The following CUX1 variants were observed in gnomAD, a reference collection of about 807,000 sequenced individuals.
CUX1 encodes protein CASP.
CUX1 carries 31 observed loss-of-function variants against 158.8 expected under a neutral mutation model. The observed-to-expected ratio is 0.20, with a 90% confidence interval of 0.15 to 0.26. The LOEUF is 0.26. CUX1 is among the 10% of genes least tolerant of loss of function. The pLI is 1.00. For synonymous variants in CUX1, 879 were observed against 862.1 expected (o/e 1.02, Z -0.34); for missense variants, 1,589 against 2,014.6 (o/e 0.79, Z 4.04).
chr7:102,199,301 C>T (rs1301921427), intron 16 of CUX1, among the ~76,000 whole-genome samples: 1 of 152,290 alleles, frequency 6.6e-6, no homozygotes, highest in African/African-American at 2.4e-5. Flanking sequence ...CACATCGTCC[C>T]GGTGGCATAC....
At position 102,168,925 on chromosome 7, in the gene CUX1, TTTCTTTTATTTTC is replaced by T. The variant is rs1554509635; in HGVS notation, c.724-1518_724-1506del. Among the ~76,000 whole-genome samples the T allele has an allele frequency of 5.1e-3, 218 of 42,494 alleles. 14 individuals carry two copies. Among genetic ancestry groups the T allele is most frequent in the African/African-American group, 0.035 (210 of 5,968 alleles). 27.9% of individuals were successfully genotyped at this position (42,494 alleles called of 152,430 possible). A position where few individuals can be genotyped will look rare whatever the true frequency, so the allele number is the denominator to read the frequency against. On this transcript the variant is annotated intron_variant, in intron 9 of 23. Transcript: ENST00000292535. ...TTTCTTTTCTTTTATTTTCTTTTCT[TTTCTTTTATTTTC>T]TTTTTTTTTTTGAGATGTGGTTTTG...
chr7:101,858,661 CTTTTTTTT>C (rs760652607), intron 1 of CUX1, among the ~76,000 whole-genome samples: 2 of 103,320 alleles, frequency 1.9e-5, no homozygotes, highest in African/African-American at 8.1e-5. Flanking sequence ...ATGCGAATGC[CTTTTTTTT>C]TTTTTTTTTT....
rs782184661 is a variant in CUX1, at chr7:102,201,346, G to A, written c.2063-14G>A. 4 of 1,608,962 alleles carry A rather than the reference G, an allele frequency of 2.5e-6. No homozygotes were observed. The highest frequency in any genetic ancestry group is 4.5e-5 in the East Asian group (2 of 44,788). ...GCCGCCCTGCCACACTCTCACCCCT[G>A]TTTCTCCATGCAGCAGAGCCGGCCC... On this transcript the variant is annotated splice_polypyrimidine_tract_variant and intron_variant, in intron 17 of 23. Coordinates refer to ENST00000292535, the MANE Select transcript of CUX1 (RefSeq NM_181552.4). This position sits in a 1 kb window ranked among gnomAD's most constrained non-coding sequence, Gnocchi z 5.0.
chr7:102,113,252 T>G (rs1554490804), intron 7 of CUX1, among the ~76,000 whole-genome samples: 1 of 152,164 alleles, frequency 6.6e-6, no homozygotes, highest in Non-Finnish European at 1.5e-5. Context: ...TATTTATTTA[T>G]TTTTGAGACG....
chr7:102,127,163 G>A (rs2131265412), intron 8 of CUX1, among the ~76,000 whole-genome samples: 1 of 152,154 alleles, frequency 6.6e-6, no homozygotes, highest in South Asian at 2.1e-4. Flanking sequence ...CACAGATGTG[G>A]CCAAGGGACT....
chr7:101,966,669 A>G (rs1401615384), intron 2 of CUX1, among the ~76,000 whole-genome samples: 1 of 152,148 alleles, frequency 6.6e-6, no homozygotes, highest in African/African-American at 2.4e-5. Context: ...TAGAAAGAGC[A>G]TGGCAGGGGG....
chr7:101,903,067 G>A (rs780708981), intron 1 of CUX1, among the ~76,000 whole-genome samples: 11 of 152,308 alleles, frequency 7.2e-5, no homozygotes, highest in South Asian at 2.1e-4. Flanking sequence ...ACATTCATGC[G>A]AAGCCTCGGT....
chr7:102,276,110 C>T (rs1213739689), intron 17 of CUX1, among the ~76,000 whole-genome samples: 2 of 152,108 alleles, frequency 1.3e-5, no homozygotes, highest in Non-Finnish European at 2.9e-5. Flanking sequence ...ATTTACATTG[C>T]TTCCACCTTT....
chr7:101,882,829 G>A (rs938452632), intron 1 of CUX1, among the ~76,000 whole-genome samples: 1 of 152,186 alleles, frequency 6.6e-6, no homozygotes, highest in Non-Finnish European at 1.5e-5. Flanking sequence ...GGTCACTGGA[G>A]GCCTGGACTT....
At chr7:102,160,798 A>G (rs1025127975) in intron 9 of CUX1, among the ~76,000 whole-genome samples, 1 of 152,296 alleles carries the variant, frequency 6.6e-6, no homozygotes, top group Admixed American at 6.5e-5. Context: ...GGAGGGAAAT[A>G]CGAAGTTGTT....
At position 101,846,979 on chromosome 7, in the gene CUX1, A is replaced by T. The variant is rs192325148; in HGVS notation, c.30+29310A>T. ...AGACCCTGTCTCTACAAAAAAATTT[A>T]AAAAATTAAAAAAAATTAGCTGACA... On this transcript the variant is annotated intron_variant, in intron 1 of 23. Coordinates refer to ENST00000292535, the MANE Select transcript of CUX1 (RefSeq NM_181552.4). 4.3e-3 allele frequency among the ~76,000 whole-genome samples: 653 copies of T among 152,172 alleles called. 7 individuals are homozygous for T. The highest frequency in any genetic ancestry group is 0.015 in the African/African-American group (621 of 41,490).
At chr7:101,844,772 T>A (rs1445055342) in intron 1 of CUX1, among the ~76,000 whole-genome samples, 1 of 151,994 alleles carries the variant, frequency 6.6e-6, no homozygotes, top group African/African-American at 2.4e-5. Context: ...CCTGCCCCCA[T>A]GCCCGGCTAA....
chr7:102,060,757 T>G (rs1824750101), intron 3 of CUX1, among the ~76,000 whole-genome samples: 1 of 151,270 alleles, frequency 6.6e-6, no homozygotes, highest in Non-Finnish European at 1.5e-5. Context: ...GGATTACAGG[T>G]GCCTGCCACC....
chr7:102,249,251 CACTCTGCGGCCCGGGCCG>C lies in CUX1; in HGVS notation c.*212_*229del. ...CAGATCCAAGGCCGCGGCCCAGACC[CACTCTGCGGCCCGGGCCG>C]ACCCTGCGGCCTCCACCAACCCCGC... On this transcript the variant is annotated 3_prime_UTR_variant, in exon 24 of 24. Coordinates refer to ENST00000292535, the MANE Select transcript of CUX1 (RefSeq NM_181552.4). The C allele has an allele frequency of 9.3e-7, 1 of 1,077,340 alleles. No homozygotes were observed. Among genetic ancestry groups the C allele is most frequent in the Non-Finnish European group, 1.1e-6 (1 of 888,186 alleles). 66.7% of individuals were successfully genotyped at this position (1,077,340 alleles called of 1,614,324 possible). A position where few individuals can be genotyped will look rare whatever the true frequency, so the allele number is the denominator to read the frequency against.
chr7:102,236,985 G>A (rs1055755607), intron 22 of CUX1, among the ~76,000 whole-genome samples: 1 of 152,122 alleles, frequency 6.6e-6, no homozygotes, highest in African/African-American at 2.4e-5. Context: ...TGGGGGTGCC[G>A]GCCACAAAGG....
chr7:101,892,508 C>T (rs898738850), intron 1 of CUX1, among the ~76,000 whole-genome samples: 4 of 152,046 alleles, frequency 2.6e-5, no homozygotes, highest in Middle Eastern at 3.2e-3. Context: ...TGTAATGAGC[C>T]GGAGGAAATG....
At chr7:102,265,817 A>G (rs528629665) in intron 14 of CUX1, among the ~76,000 whole-genome samples, 1 of 152,232 alleles carries the variant, frequency 6.6e-6, no homozygotes, top group African/African-American at 2.4e-5. Flanking sequence ...GGCTGATGCC[A>G]TCATCACAAT....
In CUX1 at chr7:101,977,000, C is replaced by T. The variant is rs189895355; in HGVS notation, c.142-51098C>T. ...TGATTTCAGCTTGCTGCAATCTCCA[C>T]CTCCCAGGTTCAAGCAGTTCTCCTG... On this transcript the variant is annotated intron_variant, in intron 2 of 23. Transcript: ENST00000292535. Among the ~76,000 whole-genome samples, 312 of 142,566 alleles carry T rather than the reference C, an allele frequency of 2.2e-3. 2 individuals are homozygous for T. Among genetic ancestry groups the T allele is most frequent in the Non-Finnish European group, 3.0e-3 (202 of 66,498 alleles). 93.5% of individuals were successfully genotyped at this position (142,566 alleles called of 152,430 possible). A position where few individuals can be genotyped will look rare whatever the true frequency, so the allele number is the denominator to read the frequency against.
chr7:102,150,210 C>T (rs1311362341), intron 8 of CUX1, among the ~76,000 whole-genome samples: 15 of 152,120 alleles, frequency 9.9e-5, no homozygotes, highest in African/African-American at 3.1e-4. Context: ...GGCTGGAGTG[C>T]AGTGGCACGA....
Sources: gnomAD v4.1 joint callset for allele counts (sites outside exome capture counted in the v4.1 genomes callset) on GRCh38, gnomAD v4.1.1 for gene constraint, Gnocchi (gnomAD v3.1) non-coding constraint, MANE v1.5 for transcripts, NCBI Gene and HGNC (gene_info 2026-07-23, HGNC 2026-07-21) for gene names.